Variants in MAF1 observed in about 807,000 individuals in gnomAD.
MAF1 encodes the protein MAF1 negative regulator of RNA polymerase III.
Under a neutral mutation model 31.9 loss-of-function variants are expected in MAF1, and 7 were observed. That is an observed-to-expected ratio of 0.22 (90% confidence interval 0.12 to 0.41). The LOEUF (loss-of-function observed/expected upper bound fraction) is 0.41, where lower values mean the gene tolerates loss of function less well. Among genes scored for constraint, MAF1 ranks in the 10% least tolerant of loss-of-function variants. The pLI is 1.00. For missense variants in MAF1, 221 were observed against 323.1 expected, an observed-to-expected ratio of 0.68 and a Z score of 2.42; for synonymous variants, 157 against 120.0, an observed-to-expected ratio of 1.31 and a Z score of -2.02.
intron 2 of MAF1, 36 bp from the exon 3 acceptor site, chr8:144,105,833 G>A (rs768025678): frequency 1.2e-6 from 2 of 1,612,930 alleles, no homozygotes; most frequent in East Asian, 2.2e-5. Context: ...GGAACCTGGG[G>A]GAAGCATGCT....
In MAF1 at chr8:144,106,674, G is replaced by T; in HGVS notation, c.620G>T (p.Ser207Ile). The T allele has an allele frequency of 6.2e-7, 1 of 1,612,200 alleles. No homozygotes were observed. Among genetic ancestry groups the T allele is most frequent in the Non-Finnish European group, 8.5e-7 (1 of 1,178,760 alleles). ...GTCTTCTTTAGCTGCCGTTCCATCA[G>T]GTGGGCACCCCCCGCCTCCTCCCCC... Reference protein sequence around the residue: ...RIVFFSCRSISGSTYTPSEAG... With the variant: ...RIVFFSCRSIIGSTYTPSEAG... The change falls in exon 6 of 8, where the codon AGT becomes ATT. Residue 207 changes from serine to isoleucine, a missense_variant and splice_region_variant. Physicochemically the swap from Ser to Ile is moderately radical, Grantham distance 142. Around this residue, in one of 2 missense-constraint regions of MAF1, gnomAD observed 146 missense variants for 263.1 expected, o/e 0.56. Coordinates refer to ENST00000322428, the MANE Select transcript of MAF1 (RefSeq NM_032272.5).
chr8:144,106,580 C>T lies in MAF1; in HGVS notation c.526C>T (p.Pro176Ser), dbSNP rs752579869. The T allele has an allele frequency of 1.2e-6, 2 of 1,613,950 alleles. No individual in the cohort carries two copies. Among genetic ancestry groups the T allele is most frequent in the Non-Finnish European group, 8.5e-7 (1 of 1,180,024 alleles). Residue 176 changes from proline to serine, a missense_variant, in exon 6 of 8, where the codon CCC becomes TCC. Around this residue, in one of 2 missense-constraint regions of MAF1, gnomAD observed 146 missense variants for 263.1 expected, o/e 0.56. Transcript: ENST00000322428. ...CTATAACCCAGACTTGGACTCAGAT[C>T]CCTTCGGGGAGGATGGTAGCCTCTG... ...YSYNPDLDSD[P>S]FGEDGSLWSF...
At position 144,105,677 on chromosome 8, in the gene MAF1, C is replaced by G. The variant is rs568718279; in HGVS notation, c.-7C>G. On this transcript the variant is annotated 5_prime_UTR_variant, in exon 2 of 8. Transcript: ENST00000322428. The stretch of plus-strand genomic sequence containing the variant: ...CCTCTGGAGCACGGAGCTCCTTCCC[C>G]AAAGACATGAAGCTATTGGAGAACT... 6.2e-7 allele frequency: 1 copy of G among 1,613,182 alleles called. No homozygotes were observed. The highest frequency in any genetic ancestry group is 8.5e-7 in the Non-Finnish European group (1 of 1,179,796).
At position 144,107,094 on chromosome 8, in the gene MAF1, A is replaced by T; in HGVS notation, c.756A>T (p.Pro252=). 6.4e-7 allele frequency: 1 copy of T among 1,572,994 alleles called. No homozygotes were observed. Among genetic ancestry groups the T allele is most frequent in the Admixed American group, 1.8e-5 (1 of 54,390 alleles). ...TGTGCCAACCTCCGCCCAGGGTCCCAGTGATCTGTATTTGATGAGGAGGAG... is the reference window on the plus strand; with the variant it reads ...TGTGCCAACCTCCGCCCAGGGTCCCTGTGATCTGTATTTGATGAGGAGGAG... ...ETSTMEEDRV[P]VICI Residue 252 remains proline (P), a synonymous_variant, in exon 8 of 8, where the codon CCA becomes CCT. Transcript: ENST00000322428.
rs940932731 is a variant in MAF1, at chr8:144,107,292, T to A, written c.*183T>A. 6 of 742,992 alleles carry A rather than the reference T, an allele frequency of 8.1e-6. No individual in the cohort carries two copies. In the African/African-American group the frequency reaches 8.8e-5, roughly 11 times the overall value. 46.0% of individuals were successfully genotyped at this position (742,992 alleles called of 1,614,324 possible). A position where few individuals can be genotyped will look rare whatever the true frequency, so the allele number is the denominator to read the frequency against. ...CATCCTGTGGATGCCCACTCACCCC[T>A]CAGACTCCTGCTGCCCATGCTGTGG... On this transcript the variant is annotated 3_prime_UTR_variant, in exon 8 of 8. Coordinates refer to ENST00000322428, the MANE Select transcript of MAF1 (RefSeq NM_032272.5).
rs1462567174 is a variant in MAF1 at position 144,107,532 on chromosome 8, CA to C, written c.*424del. 1 of 603,624 alleles carries C rather than the reference CA, an allele frequency of 1.7e-6. No individual in the cohort carries two copies. The allele number at this position is 603,624 out of a possible 1,614,324, so 37.4% of individuals were successfully genotyped here. On this transcript the variant is annotated 3_prime_UTR_variant, in exon 8 of 8. Coordinates refer to ENST00000322428, the MANE Select transcript of MAF1 (RefSeq NM_032272.5). ...CGGCCCCGGTGCCCACCTGTACCCC[CA>C]CCTCGCCCATTTGGCCGCGTGCACT...
chr8:144,107,513 C>T lies in MAF1; in HGVS notation c.*404C>T, dbSNP rs1055873941. 2.7e-5 allele frequency: 16 copies of T among 596,140 alleles called. No homozygotes were observed. The highest frequency in any genetic ancestry group is 1.2e-4 in the South Asian group (6 of 50,782). The allele number at this position is 596,140 out of a possible 1,614,324, so 36.9% of individuals were successfully genotyped here. A position where few individuals can be genotyped will look rare whatever the true frequency, so the allele number is the denominator to read the frequency against. On this transcript the variant is annotated 3_prime_UTR_variant, in exon 8 of 8. Transcript: ENST00000322428. ...ACCGGCTCTGGTCTTGGGCCGGCCC[C>T]GGTGCCCACCTGTACCCCCACCTCG... is the stretch of plus-strand genomic sequence containing the variant.
In MAF1 at chr8:144,107,160, C is replaced by T; in HGVS notation, c.*51C>T. Reference sequence around the variant, plus strand: ...CATCCAGCTTCAACCAATGCCTGGACCTGTCCACCTGAGAGGCCCCTGGGG... The same window carrying T: ...CATCCAGCTTCAACCAATGCCTGGATCTGTCCACCTGAGAGGCCCCTGGGG... On this transcript the variant is annotated 3_prime_UTR_variant, in exon 8 of 8. Transcript: ENST00000322428. The T allele has an allele frequency of 1.9e-6, 3 of 1,550,004 alleles. No individual in the cohort carries two copies. Among genetic ancestry groups the T allele is most frequent in the South Asian group, 1.2e-5 (1 of 84,120 alleles).
In MAF1 at chr8:144,106,131, C is replaced by T. The variant is rs1489119468; in HGVS notation, c.268C>T (p.Arg90Cys). The change falls in exon 4 of 8, where the codon CGC (arginine) becomes TGC (cysteine). Residue 90 changes from arginine to cysteine, a missense_variant. Transcript: ENST00000322428. The stretch of plus-strand genomic sequence containing the variant: ...GGGCCCCCTCAGTGACAAGTGCAGC[C>T]GCAAGACCCTCTTCTACCTGATTGC... The part of the protein sequence containing the change: ...EEGPLSDKCS[R>C]KTLFYLIATL... 1.2e-6 allele frequency: 2 copies of T among 1,613,658 alleles called. No homozygotes were observed. The highest frequency in any genetic ancestry group is 1.7e-6 in the Non-Finnish European group (2 of 1,180,048).
intron 6 of MAF1, 77 bp downstream of exon 6, chr8:144,106,751 C>T (rs1260071273): frequency 2.5e-6 from 4 of 1,575,596 alleles, no homozygotes; most frequent in Non-Finnish European, 3.5e-6. Flanking sequence ...CTCCACCCAG[C>T]TTTGCCCTCC....
rs765999663 is a variant in MAF1, at chr8:144,107,010, T to G, written c.749+47T>G. ...CCGGGTCCTTGAAGCCTGGAGTGGG[T>G]ACAACAGGGTGGGGGCCTCCTCTAC... is the stretch of plus-strand genomic sequence containing the variant. On this transcript the variant is annotated intron_variant, in intron 7 of 7. Transcript: ENST00000322428. 1.5e-5 allele frequency: 24 copies of G among 1,555,146 alleles called. 1 individual carries two copies. In the South Asian group the frequency reaches 1.8e-4, roughly 11 times the overall value.
Position 144,105,641 on chromosome 8 carries a change from C to A in MAF1, c.-43C>A. On this transcript the variant is annotated splice_region_variant and 5_prime_UTR_variant, in exon 2 of 8. Coordinates refer to ENST00000322428, the MANE Select transcript of MAF1 (RefSeq NM_032272.5). ...ATGGTCTGGTCTCTCACTCCCCAGG[C>A]AATACTAGCCCCTCTGGAGCACGGA... 1 of 1,566,484 alleles carries A rather than the reference C, an allele frequency of 6.4e-7. No individual in the cohort carries two copies. Among genetic ancestry groups the A allele is most frequent in the East Asian group, 2.2e-5 (1 of 44,636 alleles).
At chr8:144,105,610 A>C in intron 1 of MAF1, 30 bp from the exon 2 acceptor site, 5 of 1,378,394 alleles carry the variant, frequency 3.6e-6, no homozygotes, top group Admixed American at 1.7e-5. Flanking sequence ...GGCCAGATAG[A>C]TACCCATGGT....
Position 144,107,433 on chromosome 8 carries a change from C to A in MAF1, c.*324C>A. The A allele has an allele frequency of 1.7e-6, 1 of 580,970 alleles. No individual in the cohort carries two copies. The highest frequency in any genetic ancestry group is 3.1e-6 in the Non-Finnish European group (1 of 325,156). The allele number at this position is 580,970 out of a possible 1,614,324, so 36.0% of individuals were successfully genotyped here. On this transcript the variant is annotated 3_prime_UTR_variant, in exon 8 of 8. Transcript: ENST00000322428. ...TTTTTGTATTTCTACTGGGCCTGCACACTCCAGCCCAAAGGGTCTGTGGCC... is the reference window on the plus strand; with the variant it reads ...TTTTTGTATTTCTACTGGGCCTGCAAACTCCAGCCCAAAGGGTCTGTGGCC...
chr8:144,105,660 G>A lies in MAF1; in HGVS notation c.-24G>A. ...CCCAGGCAATACTAGCCCCTCTGGA[G>A]CACGGAGCTCCTTCCCCAAAGACAT... On this transcript the variant is annotated 5_prime_UTR_variant, in exon 2 of 8. Transcript: ENST00000322428. 2.5e-6 allele frequency: 4 copies of A among 1,607,262 alleles called. No individual in the cohort carries two copies. The highest frequency in any genetic ancestry group is 2.6e-6 in the Non-Finnish European group (3 of 1,174,516).
intron 1 of MAF1, chr8:144,105,260 C>T (rs969763658): frequency 5.3e-6 from 1 of 187,302 alleles, no homozygotes; most frequent in African/African-American, 2.4e-5. Flanking sequence ...AGTCACGTCC[C>T]GTTGCGGACT....
rs750715704 is a variant in MAF1, at chr8:144,107,127, CCCAGCTTCAT to C, written c.*28_*37del. On this transcript the variant is annotated 3_prime_UTR_variant, in exon 8 of 8. Coordinates refer to ENST00000322428, the MANE Select transcript of MAF1 (RefSeq NM_032272.5). Reference sequence around the variant, plus strand: ...GTATTTGATGAGGAGGAGCCGAGGCCCCAGCTTCATCCAGCTTCAACCAATGCCTGGACCT... The same window carrying C: ...GTATTTGATGAGGAGGAGCCGAGGCCCCAGCTTCAACCAATGCCTGGACCT... The C allele has an allele frequency of 3.8e-6, 6 of 1,559,394 alleles. No individual in the cohort carries two copies. Among genetic ancestry groups the C allele is most frequent in the Middle Eastern group, 1.7e-4 (1 of 5,992 alleles).
chr8:144,105,530 G>A (rs1180380377), intron 1 of MAF1, 110 bp from the exon 2 acceptor site: 1 of 647,432 alleles, frequency 1.5e-6, no homozygotes, highest in Non-Finnish European at 2.7e-6. Context: ...AGCCTGGACA[G>A]AGGCCAGACT....
At chr8:144,106,051 C>G in intron 3 of MAF1, 25 bp from the exon 4 acceptor site, 1 of 1,613,518 alleles carries the variant, frequency 6.2e-7, no homozygotes, top group South Asian at 1.1e-5. Context: ...GGTGATGGGC[C>G]CAGCTGATGG....
Sources: allele counts gnomAD v4.1 joint callset, GRCh38; gene constraint gnomAD v4.1.1; regional missense constraint gnomAD v4.1.1; transcripts MANE v1.5; gene names NCBI Gene and HGNC (gene_info 2026-07-23, HGNC 2026-07-21).